The following CREBRF variants were observed in gnomAD, a reference collection of about 807,000 sequenced individuals.
CREBRF encodes CREB3 regulatory factor.
A neutral mutation model predicts 66.1 loss-of-function variants in CREBRF; 5 were observed. That is an observed-to-expected ratio of 0.08 (90% CI 0.04 to 0.16). The LOEUF (loss-of-function observed/expected upper bound fraction) is 0.16. Ranked by LOEUF, CREBRF falls within the 10% of genes least tolerant of loss-of-function variation. The pLI is 1.00. For missense variants in CREBRF, 531 were observed against 744.9 expected (o/e 0.71, Z 3.34); for synonymous variants, 229 against 264.4 (o/e 0.87, Z 1.30).
chr5:173,071,011 A>G (rs1757583785), intron 1 of CREBRF, among the ~76,000 whole-genome samples: 1 of 152,140 alleles, frequency 6.6e-6, no homozygotes, highest in Non-Finnish European at 1.5e-5. Context: ...ACAGTCTGGT[A>G]GTGGAAGCAA....
intron 1 of CREBRF, among the ~76,000 whole-genome samples, chr5:173,066,129 A>G (rs1342202954): frequency 6.6e-6 from 1 of 152,192 alleles, no homozygotes; most frequent in Admixed American, 6.5e-5. Context: ...ATTTAAAAGC[A>G]AAACAAAATA....
At chr5:173,111,067 C>A (rs1387032617) in intron 6 of CREBRF, among the ~76,000 whole-genome samples, 1 of 151,986 alleles carries the variant, frequency 6.6e-6, no homozygotes, top group Non-Finnish European at 1.5e-5. Context: ...ACAAACATAT[C>A]CAATCATACA....
At chr5:173,098,878 C>CTTT (rs543027649) in intron 4 of CREBRF, among the ~76,000 whole-genome samples, 1 of 136,816 alleles carries the variant, frequency 7.3e-6, no homozygotes, top group Non-Finnish European at 1.6e-5. Flanking sequence ...TATTTTTTTA[C>CTTT]TTTTTTTTTT....
intron 1 of CREBRF, among the ~76,000 whole-genome samples, chr5:173,062,413 C>G (rs72814179): frequency 0.093 from 14,205 of 152,172 alleles, 785 homozygotes; most frequent in South Asian, 0.16. Context: ...TTGGGCTTTT[C>G]TTAGTTAGAA....
intron 1 of CREBRF, chr5:173,068,120 C>A (rs1757489580): frequency 6.6e-6 from 3 of 453,138 alleles, no homozygotes; most frequent in Non-Finnish European, 1.3e-5. Flanking sequence ...TGCTGGTTGT[C>A]AAAATTCCCA....
chr5:173,097,451 G>A (rs978696739), intron 4 of CREBRF, among the ~76,000 whole-genome samples: 4 of 152,050 alleles, frequency 2.6e-5, no homozygotes, highest in African/African-American at 9.7e-5. Context: ...CGTCATGTTG[G>A]CCAGGCTAGT....
At chr5:173,128,100 A>G (rs1759314803) in intron 8 of CREBRF, among the ~76,000 whole-genome samples, 1 of 152,170 alleles carries the variant, frequency 6.6e-6, no homozygotes, top group African/African-American at 2.4e-5. Context: ...ATTCATATAA[A>G]TAACAGCCTT....
intron 4 of CREBRF, among the ~76,000 whole-genome samples, chr5:173,094,616 T>G (rs576169742): frequency 1.3e-5 from 2 of 152,236 alleles, no homozygotes; most frequent in Non-Finnish European, 2.9e-5. Context: ...CTTTGCCCAT[T>G]TTTTAATTGG....
At chr5:173,065,191 A>G (rs754919764) in intron 1 of CREBRF, among the ~76,000 whole-genome samples, 4 of 152,192 alleles carry the variant, frequency 2.6e-5, no homozygotes, top group Non-Finnish European at 5.9e-5. Flanking sequence ...AAAGTTGAAT[A>G]TTCATTGAAA....
intron 6 of CREBRF, among the ~76,000 whole-genome samples, 173 bp downstream of exon 6, chr5:173,110,884 G>A (rs1312443457): frequency 1.3e-5 from 2 of 152,048 alleles, no homozygotes; most frequent in Non-Finnish European, 2.9e-5. Context: ...TTGTTTTATG[G>A]AAAAAGTTTT....
At chr5:173,076,810 C>T in intron 1 of CREBRF, among the ~76,000 whole-genome samples, 1 of 150,524 alleles carries the variant, frequency 6.6e-6, no homozygotes, top group Admixed American at 6.6e-5. Context: ...AATTGTGGAT[C>T]TGGAACAGTT....
chr5:173,085,860 G>A (rs1758131412), intron 2 of CREBRF: 1 of 795,634 alleles, frequency 1.3e-6, no homozygotes, highest in Non-Finnish European at 2.3e-6. Flanking sequence ...ATAGTAGAGG[G>A]GTCATCTCTG....
At chr5:173,066,305 G>T (rs1258353431) in intron 1 of CREBRF, among the ~76,000 whole-genome samples, 1 of 152,126 alleles carries the variant, frequency 6.6e-6, no homozygotes, top group Non-Finnish European at 1.5e-5. Flanking sequence ...ATTCAAAGAT[G>T]CTACTTCTTC....
chr5:173,126,579 T>C (rs1759279765), intron 8 of CREBRF, among the ~76,000 whole-genome samples: 1 of 152,224 alleles, frequency 6.6e-6, no homozygotes, highest in African/African-American at 2.4e-5. Context: ...TATTCAATAT[T>C]GGGTTGGAGA....
At chr5:173,059,589 C>T (rs1757205416) in intron 1 of CREBRF, among the ~76,000 whole-genome samples, 1 of 152,090 alleles carries the variant, frequency 6.6e-6, no homozygotes, top group African/African-American at 2.4e-5. Flanking sequence ...TATCAGGTGG[C>T]ATTGTGTTGC....
intron 1 of CREBRF, among the ~76,000 whole-genome samples, chr5:173,068,419 T>G (rs1057368428): frequency 2.0e-5 from 3 of 152,214 alleles, no homozygotes; most frequent in Admixed American, 2.0e-4. Flanking sequence ...ATACAAATTT[T>G]ATATGACTCT....
At chr5:173,089,202 A>C (rs907901168) in intron 3 of CREBRF, among the ~76,000 whole-genome samples, 8 of 148,614 alleles carry the variant, frequency 5.4e-5, no homozygotes, top group African/African-American at 1.5e-4. Context: ...AAAAAAAAAA[A>C]CCCATACACA....
chr5:173,106,474 G>A (rs1247696394), intron 4 of CREBRF, among the ~76,000 whole-genome samples: 2 of 152,000 alleles, frequency 1.3e-5, no homozygotes, highest in African/African-American at 2.4e-5. Context: ...ACTGCTTGCT[G>A]TTTTGTTTTA....
At chr5:173,102,114 T>C (rs996054236) in intron 4 of CREBRF, among the ~76,000 whole-genome samples, 2 of 152,252 alleles carry the variant, frequency 1.3e-5, no homozygotes, top group Non-Finnish European at 2.9e-5. Context: ...CCTTGTGTTC[T>C]TCAGCTCTAG....
Sources: allele counts gnomAD v4.1 joint callset (sites outside exome capture counted in the v4.1 genomes callset), GRCh38; gene constraint gnomAD v4.1.1; transcripts MANE v1.5; gene names NCBI Gene and HGNC (gene_info 2026-07-23, HGNC 2026-07-21).